The following MARK1 variants were observed in gnomAD, a reference collection of about 807,000 sequenced individuals.
MARK1 encodes microtubule affinity regulating kinase 1, also known as serine/threonine-protein kinase MARK1.
In MARK1, 40 loss-of-function variants were observed where a neutral mutation model predicts 96.3. The observed-to-expected ratio is 0.42, with a 90% CI of 0.32 to 0.54. The LOEUF (loss-of-function observed/expected upper bound fraction) is 0.54, where lower values mean the gene tolerates loss of function less well. MARK1 is among the 20% of genes least tolerant of loss of function. The pLI is 0.16. For synonymous variants in MARK1, 317 were observed against 341.2 expected (o/e 0.93, Z 0.78); for missense variants, 719 against 984.6 (o/e 0.73, Z 3.61).
chr1:220,648,941 AG>A (rs1434748443), intron 13 of MARK1, among the ~76,000 whole-genome samples: 3 of 152,194 alleles, frequency 2.0e-5, no homozygotes, highest in Admixed American at 6.5e-5. Flanking sequence ...CTAAGAGTAA[AG>A]TAGGAAATAA....
At chr1:220,626,203 G>T in intron 9 of MARK1, 2 of 561,740 alleles carry the variant, frequency 3.6e-6, no homozygotes, top group Non-Finnish European at 3.5e-6. Context: ...CAATGACATT[G>T]TCTTGGCCAT....
intron 16 of MARK1, among the ~76,000 whole-genome samples, chr1:220,657,082 G>A (rs1669215980): frequency 6.6e-6 from 1 of 152,134 alleles, no homozygotes; most frequent in Non-Finnish European, 1.5e-5. Flanking sequence ...TTTATCACAA[G>A]ATATTTAATT....
In MARK1 at chr1:220,578,490, A is replaced by G. The variant is rs111427345; in HGVS notation, c.52-864A>G. On this transcript the variant is annotated intron_variant, in intron 1 of 17. Coordinates refer to ENST00000366917, the MANE Select transcript of MARK1 (RefSeq NM_018650.5). ...ATAGATTATGGACCTGGGCAGGACT[A>G]TAGATAGCTTTCACTTGGACATGAT... is the stretch of plus-strand genomic sequence containing the variant. 1.5e-3 allele frequency among the ~76,000 whole-genome samples: 224 copies of G among 152,330 alleles called. 3 individuals carry two copies. Among genetic ancestry groups the G allele is most frequent in the African/African-American group, 4.8e-3 (201 of 41,582 alleles).
At chr1:220,546,580 C>T (rs1484098340) in intron 1 of MARK1, among the ~76,000 whole-genome samples, 3 of 152,170 alleles carry the variant, frequency 2.0e-5, no homozygotes, top group Admixed American at 1.3e-4. Flanking sequence ...CTGCTCTGTT[C>T]TGGGTTAGAT....
At chr1:220,532,873 G>A (rs1660408529) in intron 1 of MARK1, among the ~76,000 whole-genome samples, 1 of 152,032 alleles carries the variant, frequency 6.6e-6, no homozygotes, top group Non-Finnish European at 1.5e-5. Context: ...GGGCATGGTG[G>A]TGTGTGCCTG....
chr1:220,561,028 G>T (rs1178392170), intron 1 of MARK1, among the ~76,000 whole-genome samples: 3 of 152,106 alleles, frequency 2.0e-5, no homozygotes, highest in Non-Finnish European at 4.4e-5. Context: ...AAGCAAATAT[G>T]GAAGAGAGTG....
At chr1:220,531,751 C>T (rs189981182) in intron 1 of MARK1, among the ~76,000 whole-genome samples, 15 of 152,096 alleles carry the variant, frequency 9.9e-5, no homozygotes, top group East Asian at 9.6e-4. Flanking sequence ...TAGGCCTCAA[C>T]GGGCTAAATA....
intron 9 of MARK1, among the ~76,000 whole-genome samples, chr1:220,621,633 CAACTTTGTATATTTTAAT>C (rs1253242716): frequency 1.3e-5 from 2 of 151,618 alleles, no homozygotes; most frequent in African/African-American, 4.8e-5. Flanking sequence ...AGATTTGTAC[CAACTTTGTATATTTTAAT>C]ATAAAATATT....
In MARK1 at chr1:220,653,151, C is replaced by T; in HGVS notation, c.1787C>T (p.Thr596Ile). Reference sequence around the variant, plus strand: ...TCCCCATCTGCTCACAGTATTAGTACTGCGACTCCAGACCGGACCCGTTTT... The same window carrying T: ...TCCCCATCTGCTCACAGTATTAGTATTGCGACTCCAGACCGGACCCGTTTT... ...AASPSAHSIS[T>I]ATPDRTRFPR... Residue 596 changes from threonine to isoleucine, a missense_variant, in exon 16 of 18, where the codon ACT becomes ATT. Thr to Ile is a moderately conservative substitution (Grantham distance 89). Around this residue, in one of 4 missense-constraint regions of MARK1, gnomAD observed 501 missense variants for 588.3 expected, o/e 0.85. Coordinates refer to ENST00000366917, the MANE Select transcript of MARK1 (RefSeq NM_018650.5). The T allele has an allele frequency of 6.2e-7, 1 of 1,614,236 alleles. No individual in the cohort carries two copies. Among genetic ancestry groups the T allele is most frequent in the South Asian group, 1.1e-5 (1 of 91,088 alleles).
intron 3 of MARK1, among the ~76,000 whole-genome samples, chr1:220,597,475 C>T (rs1188169612): frequency 2.6e-5 from 4 of 152,168 alleles, no homozygotes; most frequent in Non-Finnish European, 4.4e-5. Flanking sequence ...TTTATATTTC[C>T]ATAATGATTA....
chr1:220,595,954 G>A (rs1558285755), intron 3 of MARK1, among the ~76,000 whole-genome samples: 1 of 152,168 alleles, frequency 6.6e-6, no homozygotes, highest in African/African-American at 2.4e-5. Flanking sequence ...AGTTATTAGG[G>A]TGCTTGACAG....
chr1:220,559,013 A>G (rs1400808797), intron 1 of MARK1, among the ~76,000 whole-genome samples: 1 of 152,256 alleles, frequency 6.6e-6, no homozygotes, highest in Admixed American at 6.5e-5. Context: ...CAGTTTTGCA[A>G]CCTAAAATAG....
At chr1:220,566,866 T>A (rs1287924195) in intron 1 of MARK1, among the ~76,000 whole-genome samples, 1 of 152,150 alleles carries the variant, frequency 6.6e-6, no homozygotes, top group East Asian at 1.9e-4. Flanking sequence ...TAATCCTCAT[T>A]GTAAGCTTGA....
chr1:220,661,801 T>C lies in MARK1; in HGVS notation c.2034-11T>C, dbSNP rs1421859546. 1.9e-6 allele frequency: 3 copies of C among 1,580,322 alleles called. No homozygotes were observed. ...TTGCTTTCATTCTTTCCCTTTGCCCTCTTGTTCCAGAAGTACATCAGGGGA... is the reference window on the plus strand; with the variant it reads ...TTGCTTTCATTCTTTCCCTTTGCCCCCTTGTTCCAGAAGTACATCAGGGGA... On this transcript the variant is annotated splice_polypyrimidine_tract_variant and intron_variant, in intron 17 of 17. Coordinates refer to ENST00000366917, the MANE Select transcript of MARK1 (RefSeq NM_018650.5).
chr1:220,627,540 A>T (rs1367341541), intron 9 of MARK1: 1 of 348,276 alleles, frequency 2.9e-6, no homozygotes, highest in African/African-American at 2.2e-5. Flanking sequence ...CTGTGTATTT[A>T]TAGGAAAGTT....
rs377317634 is a variant in MARK1, at chr1:220,611,033, G to A, written c.496-4906G>A. On this transcript the variant is annotated intron_variant, in intron 6 of 17. Transcript: ENST00000366917. ...CCCAGTTAGGCTACATGGGGGTCACGGACCCACTTGAGGAGGCAGTCTGTC... is the reference window on the plus strand; with the variant it reads ...CCCAGTTAGGCTACATGGGGGTCACAGACCCACTTGAGGAGGCAGTCTGTC... 1.6e-4 allele frequency among the ~76,000 whole-genome samples: 24 copies of A among 152,286 alleles called. No homozygotes were observed. The East Asian group carries it at 1.9e-3, about 12-fold the overall frequency.
intron 14 of MARK1, among the ~76,000 whole-genome samples, chr1:220,651,105 C>T (rs1416239759): frequency 6.6e-6 from 1 of 151,980 alleles, no homozygotes; most frequent in East Asian, 1.9e-4. Flanking sequence ...CTTTATTTTT[C>T]TCCCTCTGAA....
chr1:220,607,002 C>G (rs781668025), intron 6 of MARK1, among the ~76,000 whole-genome samples: 15 of 152,106 alleles, frequency 9.9e-5, no homozygotes, highest in Non-Finnish European at 1.8e-4. Flanking sequence ...CTTCACAATG[C>G]AGGCTCTTTT....
At chr1:220,538,380 A>G (rs1250201160) in intron 1 of MARK1, among the ~76,000 whole-genome samples, 1 of 150,274 alleles carries the variant, frequency 6.7e-6, no homozygotes, top group Non-Finnish European at 1.5e-5. Flanking sequence ...CAAAGATCAG[A>G]TAGTTGTAGA....
Sources: allele counts gnomAD v4.1 joint callset (sites outside exome capture counted in the v4.1 genomes callset), GRCh38; gene constraint gnomAD v4.1.1; regional missense constraint gnomAD v4.1.1; transcripts MANE v1.5; gene names NCBI Gene and HGNC (gene_info 2026-07-23, HGNC 2026-07-21).